Variants in COL19A1 observed in about 807,000 individuals in gnomAD.
COL19A1 encodes collagen type XIX alpha 1 chain.
COL19A1 carries 159 observed loss-of-function variants against 190.2 expected under a neutral mutation model. The observed-to-expected ratio is 0.84, with a 90% CI of 0.73 to 0.95. The LOEUF (loss-of-function observed/expected upper bound fraction) is 0.95, where lower values mean the gene tolerates loss of function less well. Among genes scored for constraint, COL19A1 ranks in the 40% least tolerant of loss-of-function variants. COL19A1 has a pLI of 0.00. For missense variants in COL19A1, 1,418 were observed against 1,431.9 expected (o/e 0.99, Z 0.16); for synonymous variants, 509 against 458.9 (o/e 1.11, Z -1.39).
chr6:69,970,931 A>G (rs1291939515), intron 11 of COL19A1, among the ~76,000 whole-genome samples: 2 of 152,218 alleles, frequency 1.3e-5, no homozygotes, highest in Non-Finnish European at 2.9e-5. Flanking sequence ...CCAACTTTCA[A>G]TTATCCATGG....
intron 11 of COL19A1, among the ~76,000 whole-genome samples, chr6:69,998,489 T>A (rs1331914070): frequency 1.3e-5 from 2 of 151,446 alleles, no homozygotes; most frequent in East Asian, 1.9e-4. Flanking sequence ...ATAAAAATTT[T>A]AAAAAAACTA....
Position 70,144,986 on chromosome 6 carries a change from G to A in COL19A1, c.1749G>A (p.Gly583=), listed in dbSNP as rs1278826797. ...PGPKGEAGPP[G]KSLPGEPGLD... is the part of the protein sequence containing the mutation. Reference sequence around the variant, plus strand: ...CAAAAGGTGAGGCTGGTCCTCCAGGGAAAAGCCTGCCAGGGGAACCAGTAA... The same window carrying A: ...CAAAAGGTGAGGCTGGTCCTCCAGGAAAAAGCCTGCCAGGGGAACCAGTAA... Residue 583 remains glycine, a synonymous_variant, in exon 25 of 51, where the codon GGG becomes GGA. Transcript: ENST00000620364. The A allele has an allele frequency of 1.3e-6, 2 of 1,591,558 alleles. No homozygotes were observed. The highest frequency in any genetic ancestry group is 1.3e-5 in the African/African-American group (1 of 74,494).
Position 70,188,129 on chromosome 6 carries a change from G to C in COL19A1, c.2911G>C (p.Gly971Arg). Residue 971 changes from glycine to arginine, a missense_variant, in exon 47 of 51, where the codon GGC (glycine) becomes CGC (arginine). By Grantham distance (125) the Gly-to-Arg change is moderately radical. Coordinates refer to ENST00000620364, the MANE Select transcript of COL19A1 (RefSeq NM_001858.6). ...RGSQGERGKP[G>R]LTGMKGAIGP... ...CTCACAAGGTGAACGGGGAAAACCA[G>C]GCCTTACAGGCATGAAGGGGGCCAT... 6.2e-7 allele frequency: 1 copy of C among 1,613,840 alleles called. No homozygotes were observed. Among genetic ancestry groups the C allele is most frequent in the Non-Finnish European group, 8.5e-7 (1 of 1,179,878 alleles).
At position 69,929,568 on chromosome 6, in the gene COL19A1, A is replaced by C. The variant is rs145098172; in HGVS notation, c.534A>C (p.Ile178=). ...DRQWHKLGIS[I]QSQVISLYMD... is the part of the protein sequence containing the mutation. ...AGTGGCACAAACTTGGCATTAGTATACAATCCCAGGTCATTTCACTTTATA... is the reference window on the plus strand; with the variant it reads ...AGTGGCACAAACTTGGCATTAGTATCCAATCCCAGGTCATTTCACTTTATA... The change falls in exon 6 of 51, where the codon ATA becomes ATC. Residue 178 remains isoleucine (I), a synonymous_variant. Coordinates refer to ENST00000620364, the MANE Select transcript of COL19A1 (RefSeq NM_001858.6). 1,399 of 1,614,072 alleles carry C rather than the reference A, an allele frequency of 8.7e-4. 4 individuals are homozygous for C. Among genetic ancestry groups the C allele is most frequent in the Non-Finnish European group, 9.4e-4 (1,115 of 1,179,980 alleles).
intron 9 of COL19A1, among the ~76,000 whole-genome samples, chr6:69,946,170 A>G (rs1773783210): frequency 6.6e-6 from 1 of 151,954 alleles, no homozygotes; most frequent in Admixed American, 6.6e-5. Flanking sequence ...CTTTTAACTC[A>G]TTTAAACTCA....
chr6:70,189,312 A>G (rs1181063781), intron 47 of COL19A1, among the ~76,000 whole-genome samples: 1 of 152,180 alleles, frequency 6.6e-6, no homozygotes, highest in African/African-American at 2.4e-5. Context: ...TTTATAATAA[A>G]TTAAGGCTCA....
At chr6:70,164,747 A>G (rs1765033789) in intron 36 of COL19A1, among the ~76,000 whole-genome samples, 1 of 152,182 alleles carries the variant, frequency 6.6e-6, no homozygotes, top group Non-Finnish European at 1.5e-5. Flanking sequence ...ACTCATTAGA[A>G]CTATGACATA....
intron 35 of COL19A1, among the ~76,000 whole-genome samples, chr6:70,162,469 G>T (rs1787870494): frequency 6.6e-6 from 1 of 152,104 alleles, no homozygotes; most frequent in Non-Finnish European, 1.5e-5. Context: ...TCCTAGAACA[G>T]AATCTCTTTT....
In COL19A1 at chr6:70,029,530, C is replaced by G. The variant is rs181824703; in HGVS notation, c.1081-4715C>G. Among the ~76,000 whole-genome samples the G allele has an allele frequency of 1.3e-3, 192 of 152,280 alleles. 2 individuals are homozygous for G. The highest frequency in any genetic ancestry group is 7.7e-4 in the East Asian group (4 of 5,180). The stretch of plus-strand genomic sequence containing the variant: ...GTCTATTCCATTTGGCTCTTTATGC[C>G]TATGGTGAGTGCTGTGTCCTTTCTC... On this transcript the variant is annotated intron_variant, in intron 12 of 50. Transcript: ENST00000620364.
intron 17 of COL19A1, among the ~76,000 whole-genome samples, chr6:70,127,247 G>T (rs537604645): frequency 6.6e-6 from 1 of 152,322 alleles, no homozygotes; most frequent in South Asian, 2.1e-4. Flanking sequence ...AGAGGGAAAT[G>T]AGTTCAGGTC....
rs997499284 is a variant in COL19A1 at position 70,062,258 on chromosome 6, T to A, written c.1171-6165T>A. Among the ~76,000 whole-genome samples, 3 of 152,164 alleles carry A rather than the reference T, an allele frequency of 2.0e-5. No individual in the cohort carries two copies. The East Asian group carries it at 5.8e-4, about 29-fold the overall frequency. On this transcript the variant is annotated intron_variant, in intron 14 of 50. Transcript: ENST00000620364. The stretch of plus-strand genomic sequence containing the variant: ...GTACTAACACTTTAAAAAAATTAGT[T>A]ACAATAATTTATACTGAACTCTGAG...
chr6:70,176,623 A>G, intron 42 of COL19A1, 59 bp downstream of exon 42: 2 of 1,559,936 alleles, frequency 1.3e-6, no homozygotes, highest in East Asian at 2.3e-5. Flanking sequence ...TCCATGATAC[A>G]CCTGTGGCCA....
rs767012616 is a variant in COL19A1 at position 70,184,886 on chromosome 6, C to G, written c.2827C>G (p.Pro943Ala). The G allele has an allele frequency of 3.1e-6, 5 of 1,613,112 alleles. No homozygotes were observed. The Admixed American group carries it at 8.4e-5, about 27-fold the overall frequency. Residue 943 changes from proline to alanine, a missense_variant, in exon 46 of 51, where the codon CCT (proline) becomes GCT (alanine). Transcript: ENST00000620364. ...IPGAQGIMGK[P>A]GDRGPKGERG... ...TGTTTTTCAGGGCATCATGGGTAAG[C>G]CTGGAGACAGAGGCCCCAAAGGAGA...
intron 11 of COL19A1, among the ~76,000 whole-genome samples, chr6:70,009,299 G>A (rs1332129921): frequency 6.6e-6 from 1 of 151,976 alleles, no homozygotes; most frequent in Admixed American, 6.5e-5. Flanking sequence ...AGCAAGTTTA[G>A]CAAGGTTGCA....
intron 16 of COL19A1, among the ~76,000 whole-genome samples, chr6:70,107,268 C>T (rs1322761818): frequency 6.6e-6 from 1 of 152,104 alleles, no homozygotes; most frequent in Non-Finnish European, 1.5e-5. Context: ...TTGAGTTTTC[C>T]GTTGCAATCA....
intron 31 of COL19A1, among the ~76,000 whole-genome samples, chr6:70,152,119 T>A (rs953493832): frequency 2.6e-5 from 4 of 152,100 alleles, no homozygotes; most frequent in Non-Finnish European, 5.9e-5. Context: ...TTTGCATGTT[T>A]CTGCCTGATA....
chr6:70,180,265 G>A (rs201291895), intron 42 of COL19A1, 47 bp from the exon 43 acceptor site: 103 of 1,610,380 alleles, frequency 6.4e-5, no homozygotes, highest in African/African-American at 6.1e-4. Context: ...ATATGGTGTC[G>A]TTCAGCAATT....
chr6:69,954,002 A>C (rs1009478454), intron 9 of COL19A1, among the ~76,000 whole-genome samples: 8 of 151,994 alleles, frequency 5.3e-5, no homozygotes, highest in African/African-American at 1.9e-4. Flanking sequence ...TATCTAAAGG[A>C]GCTTTTAGCC....
intron 11 of COL19A1, chr6:69,973,755 T>C (rs1775560825): frequency 6.6e-6 from 1 of 152,238 alleles, no homozygotes. Flanking sequence ...AAATCTCTTT[T>C]TTGGAAGTAC....
Sources: allele counts gnomAD v4.1 joint callset (sites outside exome capture counted in the v4.1 genomes callset), GRCh38; gene constraint gnomAD v4.1.1; transcripts MANE v1.5; gene names NCBI Gene and HGNC (gene_info 2026-07-23, HGNC 2026-07-21).